SEMA5B: variants seen among roughly 807,000 people sequenced by gnomAD.
The protein encoded by SEMA5B is semaphorin 5B.
A neutral mutation model predicts 135.0 loss-of-function variants in SEMA5B; 66 were observed. The ratio of observed to expected loss-of-function variants is 0.49; its 90% CI spans 0.40 to 0.60. SEMA5B has a LOEUF of 0.60. SEMA5B is among the 20% of genes least tolerant of loss of function. The pLI is 0.00. For synonymous variants in SEMA5B, 690 were observed against 639.5 expected (o/e 1.08, Z -1.19); for missense variants, 1,501 against 1,566.3 (o/e 0.96, Z 0.70).
At chr3:122,968,436 G>A (rs112675600) in intron 1 of SEMA5B, among the ~76,000 whole-genome samples, 25 of 152,288 alleles carry the variant, frequency 1.6e-4, no homozygotes, top group African/African-American at 5.5e-4. Context: ...AGAGAGGGAC[G>A]GTCGCCTTGG....
intron 4 of SEMA5B, among the ~76,000 whole-genome samples, chr3:122,941,649 G>A (rs1002155113): frequency 1.3e-5 from 2 of 152,384 alleles, no homozygotes; most frequent in South Asian, 2.1e-4. Flanking sequence ...CACATGGCCG[G>A]TGCGGAATAA....
intron 1 of SEMA5B, among the ~76,000 whole-genome samples, chr3:122,981,663 G>A (rs1167938548): frequency 6.6e-6 from 1 of 152,232 alleles, no homozygotes; most frequent in Non-Finnish European, 1.5e-5. Context: ...CACACAGGCA[G>A]AGCTTGAACC....
At chr3:123,016,551 C>T (rs1942562165) in intron 1 of SEMA5B, among the ~76,000 whole-genome samples, 1 of 152,216 alleles carries the variant, frequency 6.6e-6, no homozygotes, top group Admixed American at 6.5e-5. Context: ...ACATGTTTAG[C>T]ATAGATACAT....
chr3:123,013,338 G>A (rs1031278510), intron 1 of SEMA5B, among the ~76,000 whole-genome samples: 2 of 152,206 alleles, frequency 1.3e-5, no homozygotes, highest in African/African-American at 4.8e-5. Context: ...GCCCGCTTCT[G>A]CAAACTGCTG....
At chr3:123,009,451 C>T (rs182549032) in intron 1 of SEMA5B, among the ~76,000 whole-genome samples, 1 of 152,148 alleles carries the variant, frequency 6.6e-6, no homozygotes, top group Admixed American at 6.5e-5. Context: ...TTCCCCCAAG[C>T]CTTGCACATC....
chr3:122,912,051 G>A lies in SEMA5B; in HGVS notation c.2915C>T (p.Ser972Phe). The A allele has an allele frequency of 6.2e-7, 1 of 1,612,618 alleles. No homozygotes were observed. The highest frequency in any genetic ancestry group is 8.5e-7 in the Non-Finnish European group (1 of 1,178,938). The stretch of plus-strand genomic sequence containing the variant: ...GTCGTCAGTGCACTTACTCCACTCA[G>A]ACCAGGGCGACCAGCCTTCTGGGGA... Reference protein sequence around the residue: ...QACPEGWSPWSEWSKCTDDGA... With the variant: ...QACPEGWSPWFEWSKCTDDGA... Residue 972 changes from serine (S) to phenylalanine (F), a missense_variant, in exon 20 of 23, where the codon TCT becomes TTT. By Grantham distance (155) the Ser-to-Phe change is radical. Coordinates refer to ENST00000357599, the MANE Select transcript of SEMA5B (RefSeq NM_001031702.4).
intron 5 of SEMA5B, among the ~76,000 whole-genome samples, chr3:122,933,908 T>C (rs1255296450): frequency 6.6e-6 from 1 of 151,688 alleles, no homozygotes; most frequent in African/African-American, 2.4e-5. Flanking sequence ...TTATCATTAA[T>C]TGAATTTTTT....
chr3:123,003,184 A>C (rs879863174), intron 1 of SEMA5B, among the ~76,000 whole-genome samples: 1 of 152,212 alleles, frequency 6.6e-6, no homozygotes, highest in Non-Finnish European at 1.5e-5. Flanking sequence ...GTCACTACCC[A>C]CCTGGAAATC....
chr3:122,951,464 C>A (rs1940042082), intron 2 of SEMA5B, among the ~76,000 whole-genome samples: 1 of 152,114 alleles, frequency 6.6e-6, no homozygotes, highest in Non-Finnish European at 1.5e-5. Flanking sequence ...AACTTTTAAA[C>A]AACTAGTTTG....
chr3:122,915,620 A>G lies in SEMA5B; in HGVS notation c.1808T>C (p.Val603Ala). 6.2e-7 allele frequency: 1 copy of G among 1,609,902 alleles called. No individual in the cohort carries two copies. The highest frequency in any genetic ancestry group is 8.5e-7 in the Non-Finnish European group (1 of 1,177,078). The change falls in exon 14 of 23, where the codon GTG becomes GCG. Residue 603 changes from valine to alanine, a missense_variant and splice_region_variant. Physicochemically the swap from Val to Ala is moderately conservative, Grantham distance 64. Coordinates refer to ENST00000357599, the MANE Select transcript of SEMA5B (RefSeq NM_001031702.4). ...LWTQNITACP[V>A]RNVTRDGGFG... is the part of the protein sequence containing the mutation. ...GCCCCCATCCCGTGTCACATTCCGC[A>G]CCTGAAGACACACATGGGAGACAGT...
chr3:122,969,269 C>G (rs924176325), intron 1 of SEMA5B, among the ~76,000 whole-genome samples: 1 of 152,190 alleles, frequency 6.6e-6, no homozygotes, highest in Admixed American at 6.5e-5. Flanking sequence ...AAAGCGCATG[C>G]TTTTAGTCAG....
chr3:123,013,018 G>A (rs531626140), intron 1 of SEMA5B, among the ~76,000 whole-genome samples: 5 of 152,348 alleles, frequency 3.3e-5, no homozygotes, highest in African/African-American at 1.2e-4. Context: ...TGTAAGGACT[G>A]TTTTCAGTGC....
rs558326217 is a variant in SEMA5B at position 122,924,895 on chromosome 3, A to T, written c.1137-1143T>A. Among the ~76,000 whole-genome samples the T allele has an allele frequency of 3.9e-5, 6 of 152,260 alleles. No homozygotes were observed. The East Asian group carries it at 5.8e-4, about 15-fold the overall frequency. On this transcript the variant is annotated intron_variant, in intron 9 of 22. Coordinates refer to ENST00000357599, the MANE Select transcript of SEMA5B (RefSeq NM_001031702.4). ...GCCCTTTCCCTTTGTAGCATTTCTCATGATTAAAATTTGTTGTTTAATATC... is the reference window on the plus strand; with the variant it reads ...GCCCTTTCCCTTTGTAGCATTTCTCTTGATTAAAATTTGTTGTTTAATATC...
At chr3:122,997,201 C>T (rs1483357022) in intron 1 of SEMA5B, among the ~76,000 whole-genome samples, 2 of 152,296 alleles carry the variant, frequency 1.3e-5, no homozygotes, top group East Asian at 1.9e-4. Flanking sequence ...CGAGGCTCAG[C>T]GTGCCTGACC....
At chr3:122,943,039 C>T (rs1939628078) in intron 4 of SEMA5B, among the ~76,000 whole-genome samples, 1 of 152,222 alleles carries the variant, frequency 6.6e-6, no homozygotes, top group Non-Finnish European at 1.5e-5. Flanking sequence ...CCAGCCGTCC[C>T]AGGTGCAGGC....
At chr3:122,932,926 C>G (rs1246020808) in intron 5 of SEMA5B, among the ~76,000 whole-genome samples, 1 of 152,186 alleles carries the variant, frequency 6.6e-6, no homozygotes, top group Admixed American at 6.5e-5. Context: ...TGCTGTGTTG[C>G]CCAGACTTGT....
At position 122,961,369 on chromosome 3, in the gene SEMA5B, T is replaced by C. The variant is rs575526586; in HGVS notation, c.-38-68A>G. 4 of 1,444,700 alleles carry C rather than the reference T, an allele frequency of 2.8e-6. No homozygotes were observed. In the African/African-American group the frequency reaches 5.6e-5, roughly 20 times the overall value. The allele number at this position is 1,444,700 out of a possible 1,614,324, so 89.5% of individuals were successfully genotyped here. Reference sequence around the variant, plus strand: ...ACCAGGCAAAAGAGATGAGGTCAGATATAGGCCAGACTGCCCCAGGGACCA... The same window carrying C: ...ACCAGGCAAAAGAGATGAGGTCAGACATAGGCCAGACTGCCCCAGGGACCA... On this transcript the variant is annotated intron_variant, in intron 1 of 22. Transcript: ENST00000357599.
intron 1 of SEMA5B, among the ~76,000 whole-genome samples, chr3:122,996,357 G>A (rs1224135621): frequency 2.0e-5 from 3 of 152,240 alleles, no homozygotes; most frequent in African/African-American, 7.2e-5. Context: ...CACCACGGCT[G>A]CTCTAGGAAA....
At position 123,016,680 on chromosome 3, in the gene SEMA5B, TCCTCCTGCCTCAG is replaced by T. The variant is rs1377345378; in HGVS notation, c.-39+10771_-39+10783del. ...GCCTTGAGCTCCTGGGCTCAAGCAA[TCCTCCTGCCTCAG>T]CCTCCCAAGCAGCCAGGACTACAGG... is the stretch of plus-strand genomic sequence containing the variant. On this transcript the variant is annotated intron_variant, in intron 1 of 22. Transcript: ENST00000357599. Among the ~76,000 whole-genome samples, 125 of 152,164 alleles carry T rather than the reference TCCTCCTGCCTCAG, an allele frequency of 8.2e-4. 2 individuals carry two copies. The highest frequency in any genetic ancestry group is 8.8e-5 in the Non-Finnish European group (6 of 68,026).
Sources: gnomAD v4.1 joint callset for allele counts (sites outside exome capture counted in the v4.1 genomes callset) on GRCh38, gnomAD v4.1.1 for gene constraint, MANE v1.5 for transcripts, NCBI Gene and HGNC (gene_info 2026-07-23, HGNC 2026-07-21) for gene names.